C16orf96: variants seen among roughly 807,000 people sequenced by gnomAD.
C16orf96 encodes the protein uncharacterized protein C16orf96.
Under a neutral mutation model 103.6 loss-of-function variants are expected in C16orf96, and 108 were observed. That is an observed-to-expected ratio of 1.04 (90% CI 0.89 to 1.22). The LOEUF is 1.22. Ranked by LOEUF, C16orf96 falls within the 50% of genes most tolerant of loss-of-function variation. The pLI, the probability that C16orf96 is intolerant of heterozygous loss-of-function variation, is 0.00. For synonymous variants in C16orf96, 566 were observed against 593.5 expected, an observed-to-expected ratio of 0.95 and a Z score of 0.67; for missense variants, 1,586 against 1,464.2, an observed-to-expected ratio of 1.08 and a Z score of -1.36.
At chr16:4,550,174 T>A in the C16orf96 span, among the ~76,000 whole-genome samples, 5 of 151,446 alleles carry the variant, frequency 3.3e-5, no homozygotes, top group East Asian at 9.8e-4. Flanking sequence ...AACCTCTGCC[T>A]CTCGGGCTCA....
upstream of C16orf96, among the ~76,000 whole-genome samples, chr16:4,552,355 G>T (rs1363701472): frequency 1.3e-5 from 2 of 151,844 alleles, no homozygotes; most frequent in African/African-American, 4.8e-5. Context: ...GGTAGCATGT[G>T]CCTGTCATGC....
At chr16:4,541,353 T>C in the C16orf96 span, among the ~76,000 whole-genome samples, 1 of 152,236 alleles carries the variant, frequency 6.6e-6, no homozygotes, top group Non-Finnish European at 1.5e-5. Flanking sequence ...AATCAATACT[T>C]GTGGTGCTTT....
chr16:4,584,530 T>C (rs1056683431), intron 7 of C16orf96, among the ~76,000 whole-genome samples: 5 of 150,744 alleles, frequency 3.3e-5, no homozygotes, highest in Non-Finnish European at 7.4e-5. Flanking sequence ...GTGGTTTTTT[T>C]GGTTTGTTTT....
At chr16:4,555,170 G>A (rs2059250593), upstream of C16orf96, among the ~76,000 whole-genome samples, 1 of 151,106 alleles carries the variant, frequency 6.6e-6, no homozygotes, top group African/African-American at 2.4e-5. Flanking sequence ...GGCTGAGGCA[G>A]GAGAATCGCT....
chr16:4,597,713 C>T (rs894515227), intron 14 of C16orf96, among the ~76,000 whole-genome samples: 1 of 152,090 alleles, frequency 6.6e-6, no homozygotes, highest in Non-Finnish European at 1.5e-5. Context: ...TGCGCCACCA[C>T]GCCTGGATAA....
intron 8 of C16orf96, among the ~76,000 whole-genome samples, 162 bp downstream of exon 8, chr16:4,587,275 G>A (rs1733726378): frequency 6.6e-6 from 1 of 152,152 alleles, no homozygotes; most frequent in South Asian, 2.1e-4. Context: ...TGTAATCCCA[G>A]CACTTTGGGA....
At chr16:4,565,918 C>T (rs1416723215) in intron 1 of C16orf96, among the ~76,000 whole-genome samples, 1 of 152,260 alleles carries the variant, frequency 6.6e-6, no homozygotes, top group Non-Finnish European at 1.5e-5. Context: ...CCATAGCTCA[C>T]TGCAGCCTCA....
rs1039024283 is a variant in C16orf96 at position 4,593,644 on chromosome 16, C to A, written c.2867+328C>A. Among the ~76,000 whole-genome samples the A allele has an allele frequency of 6.6e-6, 1 of 152,080 alleles. No homozygotes were observed. The highest frequency in any genetic ancestry group is 2.4e-5 in the African/African-American group (1 of 41,416). On this transcript the variant is annotated intron_variant, in intron 12 of 15. Coordinates refer to ENST00000444310, the MANE Select transcript of C16orf96 (RefSeq NM_001145011.2). The surrounding 1 kb of genome is among the most constrained non-coding windows in gnomAD (Gnocchi z 4.2). ...GTCCCTGTTTCTTGGCGGAGGGAAT[C>A]GGTGATGATGGGGAACCCTCAGGGA...
chr16:4,540,024 C>T, the C16orf96 span, among the ~76,000 whole-genome samples: 1 of 152,188 alleles, frequency 6.6e-6, no homozygotes. Context: ...AGTAATGAAA[C>T]TTTGGTCTCC....
chr16:4,560,021 T>C (rs1390450805), intron 1 of C16orf96: 1 of 152,070 alleles, frequency 6.6e-6, no homozygotes, highest in Non-Finnish European at 1.5e-5. Flanking sequence ...ATTTTTATTT[T>C]ATTTTTATTT....
intron 5 of C16orf96, among the ~76,000 whole-genome samples, chr16:4,576,946 C>G (rs2059518298): frequency 6.6e-6 from 1 of 152,142 alleles, no homozygotes; most frequent in African/African-American, 2.4e-5. Context: ...AATCCCAGCA[C>G]TTTGGGAGGC....
chr16:4,567,947 T>C (rs1250397923), intron 1 of C16orf96, among the ~76,000 whole-genome samples: 1 of 151,062 alleles, frequency 6.6e-6, no homozygotes, highest in African/African-American at 2.4e-5. Flanking sequence ...CTGCCTGCTG[T>C]AGCCTCTCAA....
Position 4,586,941 on chromosome 16 carries a change from A to G in C16orf96, c.2353-98A>G, listed in dbSNP as rs894544055. The stretch of plus-strand genomic sequence containing the variant: ...CTGCCTGCTGTCCACACGGCCTGCT[A>G]TCCCTCCCCAGCATATGGTAATGGT... On this transcript the variant is annotated intron_variant, in intron 7 of 15. Transcript: ENST00000444310. 4.4e-6 allele frequency: 5 copies of G among 1,125,470 alleles called. No individual in the cohort carries two copies. The African/African-American group carries it at 4.6e-5, about 10-fold the overall frequency. The allele number at this position is 1,125,470 out of a possible 1,614,324, so 69.7% of individuals were successfully genotyped here.
At chr16:4,538,923 T>C in the C16orf96 span, 1 of 152,286 alleles carries the variant, frequency 6.6e-6, no homozygotes, top group East Asian at 1.9e-4. Flanking sequence ...GCACGTGGGA[T>C]GGTCGGGGCC....
At chr16:4,565,003 T>A (rs1219575294) in intron 1 of C16orf96, among the ~76,000 whole-genome samples, 1 of 152,144 alleles carries the variant, frequency 6.6e-6, no homozygotes, top group Non-Finnish European at 1.5e-5. Flanking sequence ...CTCGTTTCCG[T>A]GGAGGGAAAT....
the C16orf96 span, among the ~76,000 whole-genome samples, chr16:4,543,800 A>G: frequency 6.6e-6 from 1 of 151,570 alleles, no homozygotes; most frequent in South Asian, 2.1e-4. Flanking sequence ...TACCATCACA[A>G]CTGGCTAATT....
the C16orf96 span, among the ~76,000 whole-genome samples, chr16:4,540,510 A>C: frequency 6.6e-6 from 1 of 152,184 alleles, no homozygotes; most frequent in East Asian, 1.9e-4. Context: ...AGGCAGGCAG[A>C]TCACTTGAGG....
chr16:4,569,493 CTG>C (rs2059414068), intron 1 of C16orf96, among the ~76,000 whole-genome samples: 1 of 152,008 alleles, frequency 6.6e-6, no homozygotes, highest in Non-Finnish European at 1.5e-5. Flanking sequence ...TGGCTCATGC[CTG>C]TAATCCCAGC....
At chr16:4,587,657 G>GCA (rs1487345550) in intron 8 of C16orf96, among the ~76,000 whole-genome samples, 2 of 151,986 alleles carry the variant, frequency 1.3e-5, no homozygotes, top group African/African-American at 4.8e-5. Flanking sequence ...CATCAGCTGT[G>GCA]CACAGGGTGG....
Sources: gnomAD v4.1 joint callset for allele counts (sites outside exome capture counted in the v4.1 genomes callset) on GRCh38, gnomAD v4.1.1 for gene constraint, Gnocchi (gnomAD v3.1) non-coding constraint, MANE v1.5 for transcripts, NCBI Gene and HGNC (gene_info 2026-07-23, HGNC 2026-07-21) for gene names.